The following OXNAD1 variants were observed in gnomAD, a reference collection of about 807,000 sequenced individuals.
OXNAD1 encodes the protein oxidoreductase NAD binding domain containing 1, also known as oxidoreductase NAD-binding domain-containing protein 1.
In OXNAD1, 34 loss-of-function variants were observed where a neutral mutation model predicts 32.9. The observed-to-expected ratio is 1.03, with a 90% CI of 0.79 to 1.38. The LOEUF is 1.38. Ranked by LOEUF, OXNAD1 falls within the 40% of genes most tolerant of loss-of-function variation. The pLI is 0.00. For missense variants in OXNAD1, 407 were observed against 379.4 expected, an observed-to-expected ratio of 1.07 and a Z score of -0.60; for synonymous variants, 134 against 135.2, an observed-to-expected ratio of 0.99 and a Z score of 0.06.
chr3:16,341,838 A>G (rs949456767), downstream of OXNAD1, among the ~76,000 whole-genome samples: 1 of 152,248 alleles, frequency 6.6e-6, no homozygotes, highest in Non-Finnish European at 1.5e-5. This position sits in a 1 kb window ranked among gnomAD's most constrained non-coding sequence, Gnocchi z 4.7. Flanking sequence ...ACAAAAATGT[A>G]TAACAGTTTG....
rs1389000071 is a variant in OXNAD1, at chr3:16,289,813, T to C, written c.290+3365T>C. On this transcript the variant is annotated intron_variant, in intron 5 of 8. Transcript: ENST00000285083. The surrounding 1 kb of genome is among the most constrained non-coding windows in gnomAD (Gnocchi z 4.9). ...ACTCCTGGTAGAATTGACTCCTCCT[T>C]CCTCTGCCTTGCCTCGCTACGCTAA... Among the ~76,000 whole-genome samples the C allele has an allele frequency of 6.6e-6, 1 of 152,250 alleles. No individual in the cohort carries two copies. Among genetic ancestry groups the C allele is most frequent in the Non-Finnish European group, 1.5e-5 (1 of 68,044 alleles).
At chr3:16,278,754 C>G (rs111386922) in intron 4 of OXNAD1, among the ~76,000 whole-genome samples, 4,778 of 152,220 alleles carry the variant, frequency 0.031, 106 homozygotes, top group Middle Eastern at 0.082. Context: ...GCATGAGAAA[C>G]GGGGGAGATA....
chr3:16,337,592 A>C (rs1196061139), downstream of OXNAD1, among the ~76,000 whole-genome samples: 5 of 151,932 alleles, frequency 3.3e-5, no homozygotes, highest in African/African-American at 1.2e-4. This position sits in a 1 kb window ranked among gnomAD's most constrained non-coding sequence, Gnocchi z 5.0. Flanking sequence ...AAATACAAAA[A>C]TTAGCCAAGC....
rs750873217 is a variant in OXNAD1 at position 16,348,666 on chromosome 3, C to T, written c.*31-510C>T. On this transcript the variant is annotated intron_variant, in intron 9 of 9. Coordinates refer to the OXNAD1 transcript ENST00000606098. This position sits in a 1 kb window ranked among gnomAD's most constrained non-coding sequence, Gnocchi z 6.3. Reference sequence around the variant, plus strand: ...GCAAATGCCCCTTTGCATCCTTGTTCCTGGGCATCAAAAAGTAGTCACTCT... The same window carrying T: ...GCAAATGCCCCTTTGCATCCTTGTTTCTGGGCATCAAAAAGTAGTCACTCT... 2.0e-5 allele frequency among the ~76,000 whole-genome samples: 3 copies of T among 152,188 alleles called. No individual in the cohort carries two copies. The highest frequency in any genetic ancestry group is 7.2e-5 in the African/African-American group (3 of 41,446).
At chr3:16,307,466 A>G (rs1000053416), downstream of OXNAD1, among the ~76,000 whole-genome samples, 5 of 152,244 alleles carry the variant, frequency 3.3e-5, no homozygotes, top group African/African-American at 1.2e-4. Flanking sequence ...CTAATAGGAC[A>G]GGAAAGATGA....
intron 9 of OXNAD1, among the ~76,000 whole-genome samples, chr3:16,313,280 C>T (rs927125081): frequency 6.8e-6 from 1 of 147,338 alleles, no homozygotes; most frequent in East Asian, 2.0e-4. Context: ...TGAGCTCAAG[C>T]GATCCTTCTG....
rs2070594333 is a variant in OXNAD1, at chr3:16,333,954, A to G, written c.*31-3158A>G. 2.0e-5 allele frequency among the ~76,000 whole-genome samples: 3 copies of G among 152,266 alleles called. No homozygotes were observed. The South Asian group carries it at 6.2e-4, about 32-fold the overall frequency. Reference sequence around the variant, plus strand: ...GCCGACGCGGGTAGAGCACGAGGTCAGGAGATCGAGACCATCCGGGCTAAC... The same window carrying G: ...GCCGACGCGGGTAGAGCACGAGGTCGGGAGATCGAGACCATCCGGGCTAAC... On this transcript the variant is annotated intron_variant, in intron 9 of 9. Transcript: ENST00000435829.
rs964561547 is a variant in OXNAD1 at position 16,316,796 on chromosome 3, C to T, written c.*30+13204C>T. 7 of 1,612,346 alleles carry T rather than the reference C, an allele frequency of 4.3e-6. No individual in the cohort carries two copies. Among genetic ancestry groups the T allele is most frequent in the Middle Eastern group, 1.7e-4 (1 of 6,050 alleles). Reference sequence around the variant, plus strand: ...TGGTAAGATGCCTTGGGTTTGGCAACTCACCTAGTTTTAGCACAAATTGCC... The same window carrying T: ...TGGTAAGATGCCTTGGGTTTGGCAATTCACCTAGTTTTAGCACAAATTGCC... On this transcript the variant is annotated intron_variant, in intron 9 of 9. Coordinates refer to the OXNAD1 transcript ENST00000435829. The surrounding 1 kb of genome is among the most constrained non-coding windows in gnomAD (Gnocchi z 4.5).
intron 2 of OXNAD1, among the ~76,000 whole-genome samples, chr3:16,269,510 T>G (rs565526309): frequency 6.6e-6 from 1 of 152,366 alleles, no homozygotes; most frequent in African/African-American, 2.4e-5. Flanking sequence ...CAGTGAGCTT[T>G]TTAATATGAT....
chr3:16,311,186 A>AAT (rs1432873406), intron 9 of OXNAD1, among the ~76,000 whole-genome samples: 2,860 of 150,794 alleles, frequency 0.019, 81 homozygotes, highest in East Asian at 0.1. Context: ...TTTTTTAAAA[A>AAT]TATTATATAT....
At chr3:16,325,851 G>A (rs138158415) in intron 9 of OXNAD1, among the ~76,000 whole-genome samples, 3,054 of 152,322 alleles carry the variant, frequency 0.02, 58 homozygotes, top group Middle Eastern at 0.044. Context: ...GCCCCATGCT[G>A]TCCATCACTC....
At chr3:16,308,218 G>A (rs2067706029), downstream of OXNAD1, among the ~76,000 whole-genome samples, 1 of 152,210 alleles carries the variant, frequency 6.6e-6, no homozygotes, top group Non-Finnish European at 1.5e-5. This position sits in a 1 kb window ranked among gnomAD's most constrained non-coding sequence, Gnocchi z 4.4. Context: ...AAGTGGAAAT[G>A]CTCTGGGGCA....
In OXNAD1 at chr3:16,302,161, C is replaced by G. The variant is rs1034655572; in HGVS notation, c.675+293C>G. ...GGTCCCGAGATTCCAGTCAAGAGAC[C>G]TACAGTGGACTAGTGTATCACAGGA... On this transcript the variant is annotated intron_variant, in intron 7 of 8. Transcript: ENST00000285083. This position sits in a 1 kb window ranked among gnomAD's most constrained non-coding sequence, Gnocchi z 4.2. 1.4e-4 allele frequency among the ~76,000 whole-genome samples: 22 copies of G among 152,216 alleles called. No individual in the cohort carries two copies. The East Asian group carries it at 2.7e-3, about 19-fold the overall frequency.
intron 5 of OXNAD1, among the ~76,000 whole-genome samples, chr3:16,294,489 G>A (rs777827434): frequency 9.9e-5 from 15 of 152,204 alleles, no homozygotes; most frequent in Non-Finnish European, 2.1e-4. Flanking sequence ...GATTACAGGC[G>A]TGAGCCACTG....
At position 16,322,460 on chromosome 3, in the gene OXNAD1, AGGAGCCG is replaced by A. The variant is rs2069177076; in HGVS notation, c.*31-14651_*31-14645del. On this transcript the variant is annotated intron_variant, in intron 9 of 9. Transcript: ENST00000435829. The surrounding 1 kb of genome is among the most constrained non-coding windows in gnomAD (Gnocchi z 6.2). Reference sequence around the variant, plus strand: ...GAATGCAGGAGTGATGCCAGGAGTGAGGAGCCGAGCAGGTCAGGCAGGCCCTGCCGAG... The same window carrying A: ...GAATGCAGGAGTGATGCCAGGAGTGAAGCAGGTCAGGCAGGCCCTGCCGAG... Among the ~76,000 whole-genome samples, 2 of 152,192 alleles carry A rather than the reference AGGAGCCG, an allele frequency of 1.3e-5. No homozygotes were observed.
rs554741112 is a variant in OXNAD1, at chr3:16,271,395, G to C, written c.120-264G>C. Among the ~76,000 whole-genome samples, 1 of 152,078 alleles carries C rather than the reference G, an allele frequency of 6.6e-6. No homozygotes were observed. The highest frequency in any genetic ancestry group is 1.5e-5 in the Non-Finnish European group (1 of 68,004). On this transcript the variant is annotated intron_variant, in intron 3 of 8. Coordinates refer to ENST00000285083, the MANE Select transcript of OXNAD1 (RefSeq NM_138381.5). The surrounding 1 kb of genome is among the most constrained non-coding windows in gnomAD (Gnocchi z 4.6). ...ATTTTTGTATTTTTGGTAGAGAAAGGCTTTCTCCATGTTGGCCAGGCTGGT... is the reference window on the plus strand; with the variant it reads ...ATTTTTGTATTTTTGGTAGAGAAAGCCTTTCTCCATGTTGGCCAGGCTGGT...
chr3:16,336,080 A>T lies in OXNAD1; in HGVS notation c.*31-1032A>T, dbSNP rs1299368717. Among the ~76,000 whole-genome samples, 1 of 152,086 alleles carries T rather than the reference A, an allele frequency of 6.6e-6. No homozygotes were observed. The highest frequency in any genetic ancestry group is 1.5e-5 in the Non-Finnish European group (1 of 68,012). ...CCATGGAAAGTGGAGATCTAGAGGC[A>T]GGGTGGACAGGAATGCCAAGACAGA... On this transcript the variant is annotated intron_variant, in intron 9 of 9. Coordinates refer to the OXNAD1 transcript ENST00000435829. This position sits in a 1 kb window ranked among gnomAD's most constrained non-coding sequence, Gnocchi z 6.0.
In OXNAD1 at chr3:16,321,209, G is replaced by A. The variant is rs2069015979; in HGVS notation, c.*31-15903G>A. Among the ~76,000 whole-genome samples, 4 of 152,160 alleles carry A rather than the reference G, an allele frequency of 2.6e-5. No individual in the cohort carries two copies. The South Asian group carries it at 8.3e-4, about 32-fold the overall frequency. ...ATAGGTTTCCTCGAGCCACAGGATGGATGGAGCTGGAGTCTTGGGGTGCAG... is the reference window on the plus strand; with the variant it reads ...ATAGGTTTCCTCGAGCCACAGGATGAATGGAGCTGGAGTCTTGGGGTGCAG... On this transcript the variant is annotated intron_variant, in intron 9 of 9. Transcript: ENST00000435829. This position sits in a 1 kb window ranked among gnomAD's most constrained non-coding sequence, Gnocchi z 4.8.
intron 9 of OXNAD1, among the ~76,000 whole-genome samples, chr3:16,318,269 T>C (rs2068654964): frequency 6.6e-6 from 1 of 152,198 alleles, no homozygotes; most frequent in South Asian, 2.1e-4. Context: ...GTTCCCACCA[T>C]GGCCACTTCC....
Sources: allele counts gnomAD v4.1 joint callset (sites outside exome capture counted in the v4.1 genomes callset), GRCh38; gene constraint gnomAD v4.1.1; non-coding constraint Gnocchi (gnomAD v3.1); transcripts MANE v1.5; gene names NCBI Gene and HGNC (gene_info 2026-07-23, HGNC 2026-07-21).